The following ACACA variants were observed in gnomAD, a reference collection of about 807,000 sequenced individuals.
The protein encoded by ACACA is acetyl-CoA carboxylase alpha, also known as acetyl-CoA carboxylase 1.
A neutral mutation model predicts 296.1 loss-of-function variants in ACACA; 103 were observed. The ratio of observed to expected loss-of-function variants is 0.35; its 90% CI spans 0.30 to 0.41. ACACA has a LOEUF of 0.41. ACACA is among the 10% of genes least tolerant of loss of function. ACACA has a pLI of 1.00. For synonymous variants in ACACA, 953 were observed against 1,038.6 expected, an observed-to-expected ratio of 0.92 and a Z score of 1.58; for missense variants, 1,554 against 2,989.7, an observed-to-expected ratio of 0.52 and a Z score of 11.20.
intron 5 of ACACA, among the ~76,000 whole-genome samples, chr17:37,282,786 C>G (rs954733961): frequency 1.3e-5 from 2 of 152,104 alleles, no homozygotes; most frequent in Non-Finnish European, 2.9e-5. Flanking sequence ...AGAGAACCAT[C>G]TGAGTAAAAA....
At chr17:37,186,847 A>G (rs1234884795) in intron 39 of ACACA, among the ~76,000 whole-genome samples, 1 of 151,970 alleles carries the variant, frequency 6.6e-6, no homozygotes, top group Non-Finnish European at 1.5e-5. Context: ...CTCCTGTGTC[A>G]CCATTAGCTA....
chr17:37,221,991 T>G, intron 28 of ACACA, 149 bp from the exon 29 acceptor site: 1 of 683,148 alleles, frequency 1.5e-6, no homozygotes, highest in Non-Finnish European at 2.6e-6. Context: ...GTACATATAT[T>G]GCTTTAATTA....
chr17:37,390,236 AATATATT>A (rs2050758644), intron 1 of ACACA, among the ~76,000 whole-genome samples: 1 of 50,044 alleles, frequency 2.0e-5, no homozygotes, highest in African/African-American at 1.6e-4. Context: ...AATTATATAT[AATATATT>A]ATATATATAT....
chr17:37,398,127 G>C (rs1337115155), intron 1 of ACACA, among the ~76,000 whole-genome samples: 7 of 150,244 alleles, frequency 4.7e-5, no homozygotes, highest in African/African-American at 1.7e-4. Flanking sequence ...CTACTCAGGA[G>C]CCTGAGGCAG....
chr17:37,325,849 C>T (rs1247408325), intron 3 of ACACA, among the ~76,000 whole-genome samples: 1 of 151,802 alleles, frequency 6.6e-6, no homozygotes, highest in African/African-American at 2.4e-5. Context: ...GCTGGGATTG[C>T]AGGCGTGAGC....
At chr17:37,320,030 C>A (rs1439796242) in intron 3 of ACACA, among the ~76,000 whole-genome samples, 1 of 151,694 alleles carries the variant, frequency 6.6e-6, no homozygotes, top group Non-Finnish European at 1.5e-5. Flanking sequence ...AGGGACTGAG[C>A]AAGAGGATTG....
chr17:37,374,488 T>C (rs1190975731), intron 1 of ACACA, among the ~76,000 whole-genome samples: 2 of 152,056 alleles, frequency 1.3e-5, no homozygotes, highest in African/African-American at 2.4e-5. Context: ...AGTTTCTCCA[T>C]GTTGGTCAGG....
intron 35 of ACACA, among the ~76,000 whole-genome samples, chr17:37,195,454 T>G (rs1446534409): frequency 6.6e-6 from 1 of 152,124 alleles, no homozygotes; most frequent in East Asian, 1.9e-4. Flanking sequence ...GGGCAATGAC[T>G]ACCAATTAGA....
chr17:37,175,886 AGAAAG>A (rs1255815422), intron 41 of ACACA, among the ~76,000 whole-genome samples: 1 of 152,230 alleles, frequency 6.6e-6, no homozygotes, highest in African/African-American at 2.4e-5. Flanking sequence ...CTAGGAAAAT[AGAAAG>A]GAGACAGTAG....
At chr17:37,121,592 A>C in intron 49 of ACACA, 102 bp from the exon 50 acceptor site, 1 of 1,424,196 alleles carries the variant, frequency 7.0e-7, no homozygotes, top group Non-Finnish European at 9.8e-7. Context: ...GAAAACTAAA[A>C]ATCAGATCAA....
rs2079399432 is a variant in ACACA, at chr17:37,223,669, G to GCA, written c.3475-70_3475-69dup. 2.6e-6 allele frequency: 3 copies of GCA among 1,153,080 alleles called. No homozygotes were observed. In the East Asian group the frequency reaches 7.0e-5, roughly 27 times the overall value. The allele number at this position is 1,153,080 out of a possible 1,614,324, so 71.4% of individuals were successfully genotyped here. On this transcript the variant is annotated intron_variant, in intron 27 of 55. Transcript: ENST00000616317. ...GAACAATTTCAATGGACACTATTTG[G>GCA]CATTTGAAGCATTTAGTGAAACCTA... is the stretch of plus-strand genomic sequence containing the variant.
intron 1 of ACACA, among the ~76,000 whole-genome samples, chr17:37,394,550 T>C (rs1020966555): frequency 7.2e-5 from 11 of 151,776 alleles, no homozygotes; most frequent in African/African-American, 2.4e-4. Context: ...TTCTTTCTTA[T>C]TAAGCTACCA....
intron 41 of ACACA, 42 bp from the exon 42 acceptor site, chr17:37,162,092 A>G: frequency 6.2e-7 from 1 of 1,611,952 alleles, no homozygotes; most frequent in South Asian, 1.1e-5. Flanking sequence ...AGTTTCTTAC[A>G]GGCAGAATTT....
intron 12 of ACACA, 47 bp downstream of exon 12, chr17:37,259,313 C>A (rs1383249797): frequency 6.2e-7 from 1 of 1,610,426 alleles, no homozygotes. Context: ...ATTTTTCAGG[C>A]CTCTCTGACT....
chr17:37,254,038 C>T (rs1231899532), intron 14 of ACACA, among the ~76,000 whole-genome samples: 1 of 152,010 alleles, frequency 6.6e-6, no homozygotes, highest in Non-Finnish European at 1.5e-5. Flanking sequence ...ATATTTATGC[C>T]CAGTGTCTAT....
chr17:37,163,024 A>G (rs1025649526), intron 41 of ACACA: 1 of 155,016 alleles, frequency 6.5e-6, no homozygotes, highest in East Asian at 1.9e-4. Context: ...AAGTGCTGCC[A>G]GCTGGCGGTC....
chr17:37,091,251 T>C (rs1228377445), intron 54 of ACACA, among the ~76,000 whole-genome samples: 2 of 152,310 alleles, frequency 1.3e-5, no homozygotes, highest in Non-Finnish European at 2.9e-5. Context: ...TTAAACATTT[T>C]GAAAAGTTCC....
chr17:37,375,915 A>G (rs929548790), intron 1 of ACACA: 12 of 531,098 alleles, frequency 2.3e-5, no homozygotes, highest in Non-Finnish European at 3.0e-5. Flanking sequence ...CCTTTCTCCA[A>G]TTAGATCTAT....
chr17:37,196,154 G>A (rs2077984698), intron 35 of ACACA, among the ~76,000 whole-genome samples: 1 of 151,836 alleles, frequency 6.6e-6, no homozygotes, highest in South Asian at 2.1e-4. Context: ...GAAGAAATTG[G>A]GAGCTTGCTG....
Sources: allele counts gnomAD v4.1 joint callset (sites outside exome capture counted in the v4.1 genomes callset), GRCh38; gene constraint gnomAD v4.1.1; transcripts MANE v1.5; gene names NCBI Gene and HGNC (gene_info 2026-07-23, HGNC 2026-07-21).